The following KCNH7 variants were observed in gnomAD, a reference collection of about 807,000 sequenced individuals.
KCNH7 encodes the protein potassium voltage-gated channel subfamily H member 7.
KCNH7 carries 49 observed loss-of-function variants against 120.8 expected under a neutral mutation model. The ratio of observed to expected loss-of-function variants is 0.41; its 90% CI spans 0.32 to 0.51. The LOEUF (loss-of-function observed/expected upper bound fraction) is 0.51. Ranked by LOEUF, KCNH7 falls within the 20% of genes least tolerant of loss-of-function variation. The pLI, the probability that KCNH7 is intolerant of heterozygous loss-of-function variation, is 0.38. For synonymous variants in KCNH7, 547 were observed against 516.1 expected, an observed-to-expected ratio of 1.06 and a Z score of -0.81; for missense variants, 1,097 against 1,446.6, an observed-to-expected ratio of 0.76 and a Z score of 3.92.
chr2:162,665,561 T>G (rs1028521719), intron 2 of KCNH7, among the ~76,000 whole-genome samples: 1 of 152,094 alleles, frequency 6.6e-6, no homozygotes, highest in Non-Finnish European at 1.5e-5. Flanking sequence ...TTCTAATACC[T>G]CTCTAAAAAA....
At chr2:162,643,321 CAAACAAACAAAAAAGCAA>C (rs1237067535) in intron 2 of KCNH7, among the ~76,000 whole-genome samples, 6 of 149,494 alleles carry the variant, frequency 4.0e-5, no homozygotes, top group South Asian at 4.2e-4. Flanking sequence ...TTTGCAAAAA[CAAACAAACAAAAAAGCAA>C]AAACAAACAA....
At chr2:162,819,261 T>A (rs938836165) in intron 2 of KCNH7, among the ~76,000 whole-genome samples, 1 of 152,232 alleles carries the variant, frequency 6.6e-6, no homozygotes. Context: ...GTTGTGGTTA[T>A]ATTAAAGAAT....
chr2:162,724,553 T>G (rs1687449223), intron 2 of KCNH7, among the ~76,000 whole-genome samples: 1 of 149,820 alleles, frequency 6.7e-6, no homozygotes, highest in Non-Finnish European at 1.5e-5. Flanking sequence ...GCGCCTGTAG[T>G]CCCAGCTACT....
At chr2:162,520,007 T>C (rs1276346430) in intron 3 of KCNH7, among the ~76,000 whole-genome samples, 3 of 151,650 alleles carry the variant, frequency 2.0e-5, no homozygotes, top group Admixed American at 1.3e-4. Flanking sequence ...CTCCAATGAC[T>C]CCTAAATATT....
rs562209488 is a variant in KCNH7 at position 162,711,323 on chromosome 2, C to T, written c.307+125214G>A. ...AACTCTTTCACTGAGGCTGCTATTACCACCATTAATCTATTAGTCTCTGGC... is the reference window on the plus strand; with the variant it reads ...AACTCTTTCACTGAGGCTGCTATTATCACCATTAATCTATTAGTCTCTGGC... On this transcript the variant is annotated intron_variant, in intron 2 of 15. Coordinates refer to ENST00000332142, the MANE Select transcript of KCNH7 (RefSeq NM_033272.4). 2.7e-4 allele frequency among the ~76,000 whole-genome samples: 41 copies of T among 152,318 alleles called. No homozygotes were observed. The South Asian group carries it at 8.5e-3, about 32-fold the overall frequency.
chr2:162,677,982 T>C (rs561951693), intron 2 of KCNH7, among the ~76,000 whole-genome samples: 1 of 151,546 alleles, frequency 6.6e-6, no homozygotes, highest in Non-Finnish European at 1.5e-5. Flanking sequence ...TGGATTGTTA[T>C]CAAGTTATTT....
chr2:162,775,328 T>C (rs974623999), intron 2 of KCNH7, among the ~76,000 whole-genome samples: 12 of 152,328 alleles, frequency 7.9e-5, no homozygotes, highest in African/African-American at 2.6e-4. Context: ...ATTTTAGAAA[T>C]TACACTGCCA....
At chr2:162,654,132 C>A (rs1209521239) in intron 2 of KCNH7, among the ~76,000 whole-genome samples, 9 of 143,220 alleles carry the variant, frequency 6.3e-5, no homozygotes, top group African/African-American at 1.0e-4. Context: ...CAAACAAAAG[C>A]AAAAATAGAA....
chr2:162,689,200 G>C (rs546938405), intron 2 of KCNH7, among the ~76,000 whole-genome samples: 1 of 151,210 alleles, frequency 6.6e-6, no homozygotes, highest in East Asian at 1.9e-4. Flanking sequence ...TTGCAGGCTG[G>C]AGTGCAAAGG....
chr2:162,801,230 G>A (rs549410585), intron 2 of KCNH7, among the ~76,000 whole-genome samples: 142 of 151,260 alleles, frequency 9.4e-4, no homozygotes, highest in Admixed American at 2.6e-3. Context: ...AAAGATATTA[G>A]TGGGGATTTA....
At chr2:162,622,704 A>G (rs1431796185) in intron 2 of KCNH7, among the ~76,000 whole-genome samples, 2 of 152,196 alleles carry the variant, frequency 1.3e-5, no homozygotes, top group Non-Finnish European at 2.9e-5. Flanking sequence ...ATGTGCCACT[A>G]AGAGGCCAGT....
intron 2 of KCNH7, among the ~76,000 whole-genome samples, chr2:162,609,706 C>A (rs1259130912): frequency 6.6e-6 from 1 of 151,924 alleles, no homozygotes; most frequent in African/African-American, 2.4e-5. Context: ...GGAGAGTTGG[C>A]AGAAAGTAGA....
chr2:162,704,902 G>A (rs1686641001), intron 2 of KCNH7, among the ~76,000 whole-genome samples: 1 of 152,126 alleles, frequency 6.6e-6, no homozygotes, highest in African/African-American at 2.4e-5. Context: ...AATTTCAAGA[G>A]TCTCATATTT....
At chr2:162,694,650 T>C (rs1369777436) in intron 2 of KCNH7, among the ~76,000 whole-genome samples, 1 of 152,158 alleles carries the variant, frequency 6.6e-6, no homozygotes, top group Non-Finnish European at 1.5e-5. Flanking sequence ...GGAAAACCTT[T>C]GGCAAAACTA....
intron 8 of KCNH7, among the ~76,000 whole-genome samples, chr2:162,431,398 A>G (rs1359114892): frequency 6.6e-6 from 1 of 152,042 alleles, no homozygotes; most frequent in Non-Finnish European, 1.5e-5. Flanking sequence ...AGATAAAACC[A>G]TATCATTTTT....
At chr2:162,658,146 A>G (rs776339432) in intron 2 of KCNH7, among the ~76,000 whole-genome samples, 6 of 151,688 alleles carry the variant, frequency 4.0e-5, no homozygotes, top group African/African-American at 9.7e-5. Flanking sequence ...TGCTTACCAG[A>G]CACCAAATCT....
At chr2:162,828,316 A>G (rs1462751519) in intron 2 of KCNH7, among the ~76,000 whole-genome samples, 1 of 152,110 alleles carries the variant, frequency 6.6e-6, no homozygotes, top group African/African-American at 2.4e-5. Flanking sequence ...GTTACTTGTT[A>G]TAAAACCACC....
chr2:162,693,880 A>C (rs1263857246), intron 2 of KCNH7, among the ~76,000 whole-genome samples: 1 of 146,050 alleles, frequency 6.8e-6, no homozygotes, highest in African/African-American at 2.5e-5. Context: ...ATCTCAGAGG[A>C]GATTACAGAT....
At position 162,542,730 on chromosome 2, in the gene KCNH7, T is replaced by C. The variant is rs183365159; in HGVS notation, c.308-5650A>G. ...AAACATACGTGTGCATGTGTCTTTATAGCAGCATGACTTATAGTCCTTTGG... is the reference window on the plus strand; with the variant it reads ...AAACATACGTGTGCATGTGTCTTTACAGCAGCATGACTTATAGTCCTTTGG... On this transcript the variant is annotated intron_variant, in intron 2 of 15. Transcript: ENST00000332142. Among the ~76,000 whole-genome samples, 264 of 152,130 alleles carry C rather than the reference T, an allele frequency of 1.7e-3. 1 individual carries two copies. Among genetic ancestry groups the C allele is most frequent in the South Asian group, 5.4e-3 (26 of 4,828 alleles).
Sources: gnomAD v4.1 joint callset for allele counts (sites outside exome capture counted in the v4.1 genomes callset) on GRCh38, gnomAD v4.1.1 for gene constraint, MANE v1.5 for transcripts, NCBI Gene and HGNC (gene_info 2026-07-23, HGNC 2026-07-21) for gene names.